DIP2C: variants seen among roughly 807,000 people sequenced by gnomAD.
The protein encoded by DIP2C is disco-interacting protein 2 homolog C.
A neutral mutation model predicts 192.4 loss-of-function variants in DIP2C; 33 were observed. The ratio of observed to expected loss-of-function variants is 0.17; its 90% CI spans 0.13 to 0.23. The LOEUF (loss-of-function observed/expected upper bound fraction) is 0.23, where lower values mean the gene tolerates loss of function less well. Among genes scored for constraint, DIP2C ranks in the 10% least tolerant of loss-of-function variants. The pLI is 1.00. For missense variants in DIP2C, 1,537 were observed against 2,110.1 expected (o/e 0.73, Z 5.32); for synonymous variants, 979 against 864.1 (o/e 1.13, Z -2.33).
chr10:458,865 C>T (rs1343811574), intron 3 of DIP2C, among the ~76,000 whole-genome samples: 1 of 152,138 alleles, frequency 6.6e-6, no homozygotes, highest in Non-Finnish European at 1.5e-5. Context: ...ATCACCTGCA[C>T]ATTTGCTGAA....
chr10:301,071 C>A lies in DIP2C; in HGVS notation c.3986+8960G>T, dbSNP rs749880383. Among the ~76,000 whole-genome samples the A allele has an allele frequency of 2.3e-4, 35 of 152,164 alleles. No individual in the cohort carries two copies. In the South Asian group the frequency reaches 3.5e-3, roughly 15 times the overall value. Reference sequence around the variant, plus strand: ...GCAGGAGGGTAGGCTCAGCAGCATCCACTGGCACTGAGCGTGGAACATTAG... The same window carrying A: ...GCAGGAGGGTAGGCTCAGCAGCATCAACTGGCACTGAGCGTGGAACATTAG... On this transcript the variant is annotated intron_variant, in intron 32 of 36. Transcript: ENST00000280886.
At chr10:674,911 C>T (rs918757283) in intron 1 of DIP2C, among the ~76,000 whole-genome samples, 3 of 149,600 alleles carry the variant, frequency 2.0e-5, no homozygotes, top group Admixed American at 6.7e-5. Flanking sequence ...AACAAAATAT[C>T]GAATTTAAAG....
chr10:349,586 G>A (rs1427894514), intron 24 of DIP2C, 132 bp from the exon 25 acceptor site: 6 of 1,242,668 alleles, frequency 4.8e-6, no homozygotes, highest in Non-Finnish European at 5.4e-6. Context: ...ACAGACCTGT[G>A]CAACCAACAT....
intron 1 of DIP2C, among the ~76,000 whole-genome samples, chr10:596,776 T>G (rs899495896): frequency 2.0e-5 from 3 of 152,148 alleles, no homozygotes; most frequent in Admixed American, 6.5e-5. Context: ...AAGGAGCCAT[T>G]GGTGGCATCA....
rs1002441128 is a variant in DIP2C, at chr10:311,555, C to T, written c.3925-1463G>A. 3.2e-6 allele frequency: 4 copies of T among 1,232,472 alleles called. No individual in the cohort carries two copies. In the African/African-American group the frequency reaches 6.2e-5, roughly 19 times the overall value. The allele number at this position is 1,232,472 out of a possible 1,614,324, so 76.3% of individuals were successfully genotyped here. A position where few individuals can be genotyped will look rare whatever the true frequency, so the allele number is the denominator to read the frequency against. Reference sequence around the variant, plus strand: ...CCCCTACCTGCTCGGCCAGGGTCCACAGCCTGTGAGGCTACAGCAGCAGAA... The same window carrying T: ...CCCCTACCTGCTCGGCCAGGGTCCATAGCCTGTGAGGCTACAGCAGCAGAA... On this transcript the variant is annotated intron_variant, in intron 31 of 36. Coordinates refer to ENST00000280886, the MANE Select transcript of DIP2C (RefSeq NM_014974.3).
Position 652,234 on chromosome 10 carries a change from G to A in DIP2C, c.85+37260C>T, listed in dbSNP as rs765923554. 1.1e-4 allele frequency: 20 copies of A among 183,286 alleles called. No individual in the cohort carries two copies. Among genetic ancestry groups the A allele is most frequent in the East Asian group, 1.9e-4 (1 of 5,364 alleles). The allele number at this position is 183,286 out of a possible 1,614,324, so 11.4% of individuals were successfully genotyped here. On this transcript the variant is annotated intron_variant, in intron 1 of 36. Transcript: ENST00000280886. This position sits in a 1 kb window ranked among gnomAD's most constrained non-coding sequence, Gnocchi z 4.5. The stretch of plus-strand genomic sequence containing the variant: ...AGTGGGCGCACTGCGTATCCCCTGC[G>A]GGAAAGACCACGCTGGCTGCTGACC...
chr10:626,618 A>G (rs1304792953), intron 1 of DIP2C, among the ~76,000 whole-genome samples: 5 of 151,876 alleles, frequency 3.3e-5, no homozygotes, highest in African/African-American at 4.8e-5. Flanking sequence ...GCTCAGCTGC[A>G]CCCAGAGGCA....
At chr10:649,650 C>T (rs977121346) in intron 1 of DIP2C, among the ~76,000 whole-genome samples, 2 of 152,126 alleles carry the variant, frequency 1.3e-5, no homozygotes, top group Admixed American at 6.5e-5. Flanking sequence ...TGGGGGAAGT[C>T]GGAAGTCAGA....
chr10:601,231 T>TTACCAC (rs1202918443), intron 1 of DIP2C, among the ~76,000 whole-genome samples: 1 of 152,194 alleles, frequency 6.6e-6, no homozygotes, highest in Non-Finnish European at 1.5e-5. Context: ...GATAAACTCA[T>TTACCAC]TACCACTCCA....
chr10:337,130 C>CTGTGTGTGTTGTGGAGGCCTAGGCAGCTG (rs1957842611), intron 29 of DIP2C, among the ~76,000 whole-genome samples: 3 of 83,058 alleles, frequency 3.6e-5, no homozygotes, highest in African/African-American at 5.8e-5. Flanking sequence ...GCCTAGGCAG[C>CTGTGTGTGTTGTGGAGGCCTAGGCAGCTG]TGTGTGTGTG....
intron 4 of DIP2C, among the ~76,000 whole-genome samples, chr10:423,251 T>A (rs1333115699): frequency 6.6e-6 from 1 of 152,220 alleles, no homozygotes; most frequent in African/African-American, 2.4e-5. Flanking sequence ...AAACATGCTA[T>A]AAGATGTTTG....
chr10:491,664 C>A (rs1844456529), intron 1 of DIP2C, among the ~76,000 whole-genome samples: 1 of 152,220 alleles, frequency 6.6e-6, no homozygotes, highest in African/African-American at 2.4e-5. Flanking sequence ...TTGGAGATAG[C>A]ACCTATCTAC....
chr10:408,784 T>C (rs748840160), intron 9 of DIP2C, 142 bp downstream of exon 9: 63 of 687,614 alleles, frequency 9.2e-5, no homozygotes, highest in Non-Finnish European at 1.5e-4. Flanking sequence ...CTGTGTAACT[T>C]ACCAGGTAGC....
At chr10:381,325 G>A (rs964525284) in intron 17 of DIP2C, among the ~76,000 whole-genome samples, 4 of 152,300 alleles carry the variant, frequency 2.6e-5, no homozygotes, top group Non-Finnish European at 5.9e-5. Context: ...AGGGAGAACC[G>A]GCATGGGGAC....
intron 1 of DIP2C, among the ~76,000 whole-genome samples, chr10:522,258 G>A (rs1351854275): frequency 1.3e-5 from 2 of 152,162 alleles, no homozygotes; most frequent in African/African-American, 4.8e-5. Context: ...ATGGATTAGT[G>A]GTCCAGTTCT....
At chr10:499,365 C>T (rs369685843) in intron 1 of DIP2C, among the ~76,000 whole-genome samples, 2 of 152,196 alleles carry the variant, frequency 1.3e-5, no homozygotes, top group African/African-American at 4.8e-5. Flanking sequence ...TCTGTTTTCA[C>T]GCTGCTATAA....
chr10:332,010 C>T (rs915070239), intron 29 of DIP2C, among the ~76,000 whole-genome samples: 6 of 152,140 alleles, frequency 3.9e-5, no homozygotes, highest in Admixed American at 2.6e-4. Context: ...TAGCCCTGAC[C>T]TCATGGGCTC....
intron 1 of DIP2C, among the ~76,000 whole-genome samples, chr10:658,075 C>T (rs1308331552): frequency 1.3e-5 from 2 of 151,964 alleles, no homozygotes; most frequent in Admixed American, 6.6e-5. Context: ...GACGCTGGAC[C>T]TGACACTGGA....
intron 10 of DIP2C, among the ~76,000 whole-genome samples, chr10:396,596 A>G (rs1964002830): frequency 6.6e-6 from 1 of 152,154 alleles, no homozygotes; most frequent in South Asian, 2.1e-4. Flanking sequence ...GAGAGCCCCT[A>G]ACCATGGACA....
Sources: gnomAD v4.1 joint callset for allele counts (sites outside exome capture counted in the v4.1 genomes callset) on GRCh38, gnomAD v4.1.1 for gene constraint, Gnocchi (gnomAD v3.1) non-coding constraint, MANE v1.5 for transcripts, NCBI Gene and HGNC (gene_info 2026-07-23, HGNC 2026-07-21) for gene names.